TPP2: variants seen among roughly 807,000 people sequenced by gnomAD.
The protein encoded by TPP2 is tripeptidyl-peptidase 2.
In TPP2, 34 loss-of-function variants were observed where a neutral mutation model predicts 155.9. The observed-to-expected ratio is 0.22, with a 90% CI of 0.17 to 0.29. The LOEUF is 0.29. Among genes scored for constraint, TPP2 ranks in the 10% least tolerant of loss-of-function variants. The probability of loss-of-function intolerance (pLI) is 1.00; values close to 1 mark genes in which losing one functional copy is unlikely to be tolerated. For synonymous variants in TPP2, 510 were observed against 529.4 expected, an observed-to-expected ratio of 0.96 and a Z score of 0.50; for missense variants, 1,028 against 1,522.3, an observed-to-expected ratio of 0.68 and a Z score of 5.40.
chr13:102,604,710 C>T (rs1879688197), intron 1 of TPP2, 83 bp from the exon 2 acceptor site: 4 of 1,418,658 alleles, frequency 2.8e-6, no homozygotes, highest in Non-Finnish European at 3.8e-6. Flanking sequence ...TGTATATACA[C>T]ACACATATAT....
At chr13:102,677,673 A>G (rs984863358) in intron 29 of TPP2, among the ~76,000 whole-genome samples, 1 of 152,208 alleles carries the variant, frequency 6.6e-6, no homozygotes, top group Non-Finnish European at 1.5e-5. Flanking sequence ...TTGTCATTCA[A>G]ACTCAACTGG....
In TPP2 at chr13:102,677,518, A is replaced by G. The variant is rs78037642; in HGVS notation, c.3700-709A>G. On this transcript the variant is annotated intron_variant, in intron 29 of 29. Coordinates refer to ENST00000376052, the MANE Select transcript of TPP2 (RefSeq NM_001330588.2). ...GCCTACCTCTCCAGACTTATTTCAT[A>G]TCACACTTGCCCATACAAACTCTGC... Among the ~76,000 whole-genome samples, 1,351 of 152,316 alleles carry G rather than the reference A, an allele frequency of 8.9e-3. 21 individuals are homozygous for G. The highest frequency in any genetic ancestry group is 0.031 in the African/African-American group (1,278 of 41,556).
At chr13:102,615,679 C>T (rs1341064774) in intron 3 of TPP2, among the ~76,000 whole-genome samples, 1 of 152,118 alleles carries the variant, frequency 6.6e-6, no homozygotes, top group Non-Finnish European at 1.5e-5. Flanking sequence ...CATTGTCTGT[C>T]AAAATGCAGC....
chr13:102,612,683 G>A (rs2139434363), intron 2 of TPP2, among the ~76,000 whole-genome samples: 1 of 152,176 alleles, frequency 6.6e-6, no homozygotes, highest in East Asian at 1.9e-4. Context: ...CTGCCTTCGT[G>A]GTAAGGAAGA....
At chr13:102,640,901 C>T (rs1257902511) in intron 16 of TPP2, among the ~76,000 whole-genome samples, 1 of 152,098 alleles carries the variant, frequency 6.6e-6, no homozygotes, top group Non-Finnish European at 1.5e-5. Flanking sequence ...ACACTCGCCT[C>T]GTCCTCCCAA....
intron 2 of TPP2, among the ~76,000 whole-genome samples, chr13:102,611,337 T>A (rs1880299188): frequency 6.6e-6 from 1 of 152,212 alleles, no homozygotes; most frequent in Non-Finnish European, 1.5e-5. Flanking sequence ...GTTTGTTTGT[T>A]TTTTAACTGG....
chr13:102,626,457 G>A (rs762123050), intron 6 of TPP2, among the ~76,000 whole-genome samples: 10 of 152,198 alleles, frequency 6.6e-5, no homozygotes, highest in Non-Finnish European at 1.0e-4. Flanking sequence ...GTGTTGCCAT[G>A]AACATTTTTG....
intron 11 of TPP2, among the ~76,000 whole-genome samples, chr13:102,634,970 A>G (rs957049165): frequency 1.3e-5 from 2 of 152,316 alleles, no homozygotes; most frequent in Admixed American, 6.5e-5. Flanking sequence ...ATGTCTGACA[A>G]TATCATCAAT....
intron 27 of TPP2, among the ~76,000 whole-genome samples, chr13:102,669,471 G>C (rs561221158): frequency 6.6e-6 from 1 of 152,182 alleles, no homozygotes; most frequent in Non-Finnish European, 1.5e-5. Flanking sequence ...ATAACATATT[G>C]AGCAGACTTT....
chr13:102,660,476 A>C (rs565833028), intron 25 of TPP2, among the ~76,000 whole-genome samples: 1 of 152,206 alleles, frequency 6.6e-6, no homozygotes, highest in Non-Finnish European at 1.5e-5. Flanking sequence ...CTACAAAACA[A>C]TTGTTGAAAG....
chr13:102,654,417 T>C (rs1055385553), intron 24 of TPP2, among the ~76,000 whole-genome samples: 1 of 152,256 alleles, frequency 6.6e-6, no homozygotes, highest in Non-Finnish European at 1.5e-5. Flanking sequence ...CTTTTAATGA[T>C]AGTCTAAGGT....
intron 6 of TPP2, among the ~76,000 whole-genome samples, chr13:102,626,709 C>T (rs752410760): frequency 1.3e-5 from 2 of 152,130 alleles, no homozygotes; most frequent in Non-Finnish European, 2.9e-5. Context: ...AACATCTTTT[C>T]GTGTGTTTAT....
chr13:102,641,565 T>C (rs649817), intron 16 of TPP2, among the ~76,000 whole-genome samples: 75,286 of 151,986 alleles, frequency 0.5, 19,064 homozygotes, highest in African/African-American at 0.6. Context: ...CATGTATGAC[T>C]TGGTTTGGGA....
chr13:102,662,823 T>C (rs1015760075), intron 25 of TPP2, among the ~76,000 whole-genome samples: 8 of 152,164 alleles, frequency 5.3e-5, no homozygotes, highest in Admixed American at 3.3e-4. Flanking sequence ...CTGATACATA[T>C]AATCAGGTAG....
chr13:102,633,607 A>G (rs1270630803), intron 10 of TPP2, among the ~76,000 whole-genome samples: 2 of 152,194 alleles, frequency 1.3e-5, no homozygotes, highest in Non-Finnish European at 1.5e-5. Context: ...CTTATTACAG[A>G]TAAGAGAGAT....
chr13:102,650,831 G>A (rs911108844), intron 23 of TPP2, among the ~76,000 whole-genome samples: 1 of 152,072 alleles, frequency 6.6e-6, no homozygotes, highest in African/African-American at 2.4e-5. Flanking sequence ...ATTTATCAAG[G>A]GAGACCTTCC....
intron 25 of TPP2, among the ~76,000 whole-genome samples, chr13:102,660,586 G>T (rs1264310450): frequency 6.6e-6 from 1 of 152,196 alleles, no homozygotes; most frequent in Non-Finnish European, 1.5e-5. Context: ...GAATGATTCA[G>T]TTGAATCCCC....
chr13:102,604,923 T>C lies in TPP2; in HGVS notation c.294+2T>C. On this transcript the variant is annotated splice_donor_variant, in intron 2 of 29. Transcript: ENST00000376052. LOFTEE classifies it high-confidence loss of function. ...GGCCTTTCAGGAAGAGTGCTTAAGGTGAGACCTTTTGTCTTCTTTTTGAAT... is the reference window on the plus strand; with the variant it reads ...GGCCTTTCAGGAAGAGTGCTTAAGGCGAGACCTTTTGTCTTCTTTTTGAAT... The C allele has an allele frequency of 1.2e-6, 2 of 1,602,412 alleles. No individual in the cohort carries two copies. Among genetic ancestry groups the C allele is most frequent in the Non-Finnish European group, 1.7e-6 (2 of 1,177,106 alleles).
intron 10 of TPP2, 113 bp from the exon 11 acceptor site, chr13:102,633,837 T>G (rs1882188126): frequency 7.0e-7 from 1 of 1,422,180 alleles, no homozygotes; most frequent in Admixed American, 2.0e-5. Context: ...TTGTAATGAG[T>G]GCAGTTAGTA....
Sources: allele counts gnomAD v4.1 joint callset (sites outside exome capture counted in the v4.1 genomes callset), GRCh38; gene constraint gnomAD v4.1.1; transcripts MANE v1.5; gene names NCBI Gene and HGNC (gene_info 2026-07-23, HGNC 2026-07-21).